The following TSPAN9 variants were observed in gnomAD, a reference collection of about 807,000 sequenced individuals.
TSPAN9 encodes tetraspanin-9.
A neutral mutation model predicts 31.0 loss-of-function variants in TSPAN9; 16 were observed. That is an observed-to-expected ratio of 0.52 (90% CI 0.35 to 0.78). The LOEUF is 0.78. Ranked by LOEUF, TSPAN9 falls within the 30% of genes least tolerant of loss-of-function variation. TSPAN9 has a pLI of 0.01. For synonymous variants in TSPAN9, 145 were observed against 121.6 expected (o/e 1.19, Z -1.27); for missense variants, 272 against 312.5 (o/e 0.87, Z 0.98).
intron 2 of TSPAN9, among the ~76,000 whole-genome samples, chr12:3,157,606 A>T (rs961151369): frequency 6.6e-6 from 1 of 152,236 alleles, no homozygotes; most frequent in African/African-American, 2.4e-5. Flanking sequence ...GACATTGAAT[A>T]GTGAATAGCA....
chr12:3,123,954 C>T lies in TSPAN9; in HGVS notation c.-18+40235C>T, dbSNP rs483880. ...GTGCAGGGAGGAGGCAGAGGTGAGC[C>T]GGGCTTGGTCCTTGCACTCCTGGAG... is the stretch of plus-strand genomic sequence containing the variant. On this transcript the variant is annotated intron_variant, in intron 2 of 8. Transcript: ENST00000011898. Among the ~76,000 whole-genome samples the T allele has an allele frequency of 6.4e-3, 976 of 152,282 alleles. 11 individuals carry two copies. The highest frequency in any genetic ancestry group is 0.022 in the African/African-American group (929 of 41,562).
chr12:3,080,964 G>A (rs2098297537), intron 1 of TSPAN9, among the ~76,000 whole-genome samples: 4 of 152,174 alleles, frequency 2.6e-5, no homozygotes, highest in Non-Finnish European at 5.9e-5. Context: ...TCGCAGGCCT[G>A]TAACCCCAGG....
chr12:3,088,613 G>A (rs903648599), intron 2 of TSPAN9, among the ~76,000 whole-genome samples: 20 of 152,242 alleles, frequency 1.3e-4, no homozygotes, highest in Admixed American at 2.0e-4. Flanking sequence ...GGAGCAGTTC[G>A]TGCCCGCAGT....
chr12:3,209,773 C>A (rs2098377383), intron 3 of TSPAN9, among the ~76,000 whole-genome samples: 3 of 151,896 alleles, frequency 2.0e-5, no homozygotes, highest in Admixed American at 1.3e-4. Flanking sequence ...TCCTGGCTAA[C>A]ACGGTGAAAC....
chr12:3,247,966 CGG>C (rs879448877), intron 3 of TSPAN9, among the ~76,000 whole-genome samples: 1 of 152,180 alleles, frequency 6.6e-6, no homozygotes, highest in Non-Finnish European at 1.5e-5. Context: ...GGAAGCGCAG[CGG>C]GGCATGGAGG....
Position 3,278,519 on chromosome 12 carries a change from C to CA in TSPAN9, c.164dup (p.Asn55LysfsTer90). The CA allele has an allele frequency of 6.2e-7, 1 of 1,614,236 alleles. No homozygotes were observed. Among genetic ancestry groups the CA allele is most frequent in the Non-Finnish European group, 8.5e-7 (1 of 1,180,036 alleles). ...CCAGCTTCCCTTCGTTGTCTGCAGC[C>CA]AACCTGGTCATTGCCATAGGCACCA... On this transcript the variant is annotated frameshift_variant, in exon 4 of 9. Coordinates refer to ENST00000011898, the MANE Select transcript of TSPAN9 (RefSeq NM_006675.5). LOFTEE classifies it high-confidence loss of function.
intron 3 of TSPAN9, among the ~76,000 whole-genome samples, chr12:3,208,735 C>T (rs2098376643): frequency 6.6e-6 from 1 of 152,182 alleles, no homozygotes; most frequent in Non-Finnish European, 1.5e-5. Context: ...AAACGCCTGC[C>T]CACTTAGAAG....
At chr12:3,109,125 CGG>C (rs368880381) in intron 2 of TSPAN9, among the ~76,000 whole-genome samples, 2 of 151,688 alleles carry the variant, frequency 1.3e-5, no homozygotes, top group Admixed American at 6.6e-5. Flanking sequence ...TTAGTAGAGA[CGG>C]GGGTTTCACC....
rs1012574302 is a variant in TSPAN9 at position 3,200,825 on chromosome 12, G to GC, written c.-17-345dup. The stretch of plus-strand genomic sequence containing the variant: ...AGAGGGGGCGTGCAAGGCTCCGCCG[G>GC]CCCCCCCGCAGCCCGCGCCCGACTT... On this transcript the variant is annotated intron_variant, in intron 2 of 8. Transcript: ENST00000011898. 1.1e-4 allele frequency: 24 copies of GC among 222,296 alleles called. No homozygotes were observed. In the East Asian group the frequency reaches 3.0e-3, roughly 27 times the overall value. The allele number at this position is 222,296 out of a possible 1,614,324, so 13.8% of individuals were successfully genotyped here. A position where few individuals can be genotyped will look rare whatever the true frequency, so the allele number is the denominator to read the frequency against.
intron 2 of TSPAN9, among the ~76,000 whole-genome samples, chr12:3,130,885 G>A (rs1014906972): frequency 1.3e-5 from 2 of 152,086 alleles, no homozygotes; most frequent in Non-Finnish European, 2.9e-5. Context: ...GGATCCCAGT[G>A]CTCTTGGATC....
intron 3 of TSPAN9, among the ~76,000 whole-genome samples, chr12:3,239,534 C>T (rs778679150): frequency 2.6e-5 from 4 of 152,244 alleles, no homozygotes; most frequent in Admixed American, 6.5e-5. Context: ...CTTCCCCGCT[C>T]CACTGCCCGA....
intron 3 of TSPAN9, among the ~76,000 whole-genome samples, chr12:3,204,941 C>A (rs771747202): frequency 1.3e-5 from 2 of 152,122 alleles, no homozygotes; most frequent in African/African-American, 2.4e-5. Context: ...ATTCTAAGCC[C>A]CTCCCAGGGG....
At chr12:3,269,463 C>T (rs1291087615) in intron 3 of TSPAN9, among the ~76,000 whole-genome samples, 6 of 94,092 alleles carry the variant, frequency 6.4e-5, no homozygotes, top group Admixed American at 2.7e-4. Context: ...GCCCTCTGTG[C>T]GTTCCTGCAG....
At chr12:3,177,380 G>A (rs1158671913) in intron 2 of TSPAN9, among the ~76,000 whole-genome samples, 1 of 151,104 alleles carries the variant, frequency 6.6e-6, no homozygotes, top group Non-Finnish European at 1.5e-5. Context: ...CTTGTGATCT[G>A]TCCGCCTCGG....
chr12:3,140,022 G>A (rs188012587), intron 2 of TSPAN9, among the ~76,000 whole-genome samples: 9 of 152,290 alleles, frequency 5.9e-5, no homozygotes, highest in South Asian at 2.1e-4. Context: ...TTGCACTATC[G>A]CCTTAGCTCA....
At chr12:3,213,032 C>G (rs1403090926) in intron 3 of TSPAN9, among the ~76,000 whole-genome samples, 1 of 152,106 alleles carries the variant, frequency 6.6e-6, no homozygotes. Context: ...GAGAAAGGGG[C>G]TAATGCAAAG....
chr12:3,080,913 A>G (rs574548097), intron 1 of TSPAN9, among the ~76,000 whole-genome samples: 2 of 152,268 alleles, frequency 1.3e-5, no homozygotes, highest in African/African-American at 4.8e-5. Flanking sequence ...CTTAGGTGGG[A>G]AGCCCTTGAA....
At chr12:3,222,734 G>A (rs111930638) in intron 3 of TSPAN9, among the ~76,000 whole-genome samples, 2 of 152,308 alleles carry the variant, frequency 1.3e-5, no homozygotes, top group South Asian at 2.1e-4. Context: ...AACTGGTAAT[G>A]AGGACCAGAG....
At chr12:3,089,092 C>T (rs1357772810) in intron 2 of TSPAN9, among the ~76,000 whole-genome samples, 4 of 151,232 alleles carry the variant, frequency 2.6e-5, no homozygotes, top group South Asian at 2.1e-4. Context: ...ATTAGCCGGG[C>T]GTGGTGGCGG....
Sources: gnomAD v4.1 joint callset for allele counts (sites outside exome capture counted in the v4.1 genomes callset) on GRCh38, gnomAD v4.1.1 for gene constraint, MANE v1.5 for transcripts, NCBI Gene and HGNC (gene_info 2026-07-23, HGNC 2026-07-21) for gene names.